The following DDAH1 variants were observed in gnomAD, a reference collection of about 807,000 sequenced individuals.
DDAH1 encodes the protein dimethylarginine dimethylaminohydrolase 1.
A neutral mutation model predicts 28.8 loss-of-function variants in DDAH1; 19 were observed. That is an observed-to-expected ratio of 0.66 (90% CI 0.46 to 0.97). The LOEUF (loss-of-function observed/expected upper bound fraction) is 0.97. Among genes scored for constraint, DDAH1 ranks in the 50% least tolerant of loss-of-function variants. DDAH1 has a pLI of 0.00. For missense variants in DDAH1, 326 were observed against 375.9 expected (o/e 0.87, Z 1.10); for synonymous variants, 153 against 154.4 (o/e 0.99, Z 0.07).
chr1:85,543,487 T>C (rs1658530793), intron 1 of DDAH1, among the ~76,000 whole-genome samples: 1 of 152,130 alleles, frequency 6.6e-6, no homozygotes, highest in Non-Finnish European at 1.5e-5. Context: ...CAAAAGTTGA[T>C]CACTTCAAGG....
intron 1 of DDAH1, among the ~76,000 whole-genome samples, chr1:85,439,656 A>C (rs1199472780): frequency 6.6e-6 from 1 of 152,236 alleles, no homozygotes; most frequent in African/African-American, 2.4e-5. Context: ...TCGATGTAAA[A>C]TTTAGAAAGA....
intron 1 of DDAH1, among the ~76,000 whole-genome samples, chr1:85,373,360 A>C (rs1650489003): frequency 6.6e-6 from 1 of 152,106 alleles, no homozygotes; most frequent in African/African-American, 2.4e-5. Context: ...TCCCAACCAA[A>C]TCTCATCTCA....
intron 1 of DDAH1, among the ~76,000 whole-genome samples, chr1:85,378,499 C>T (rs1262883228): frequency 6.6e-6 from 1 of 152,162 alleles, no homozygotes; most frequent in Non-Finnish European, 1.5e-5. Flanking sequence ...GCCTTGACCT[C>T]TGGGATTCAA....
chr1:85,330,312 G>C (rs1474891949), intron 4 of DDAH1, among the ~76,000 whole-genome samples: 2 of 152,216 alleles, frequency 1.3e-5, no homozygotes, highest in Non-Finnish European at 2.9e-5. Context: ...AACAGGTTCT[G>C]TTTCCCCTTT....
intron 1 of DDAH1, among the ~76,000 whole-genome samples, chr1:85,546,424 A>C (rs772267490): frequency 4.6e-5 from 7 of 152,152 alleles, no homozygotes; most frequent in Non-Finnish European, 5.9e-5. Context: ...TGAGCTAGTA[A>C]ATTTCTGTTC....
intron 2 of DDAH1, 132 bp from the exon 3 acceptor site, chr1:85,351,711 G>A: frequency 3.1e-6 from 2 of 638,600 alleles, no homozygotes; most frequent in African/African-American, 1.9e-5. Flanking sequence ...TCACTAAAGA[G>A]ACTACAAAAA....
At chr1:85,453,887 T>C (rs1654768978) in intron 1 of DDAH1, among the ~76,000 whole-genome samples, 1 of 152,218 alleles carries the variant, frequency 6.6e-6, no homozygotes. Flanking sequence ...GAGAATGACA[T>C]GAACATTATA....
intron 1 of DDAH1, chr1:85,400,084 T>G (rs1156679253): frequency 6.6e-6 from 1 of 152,102 alleles, no homozygotes; most frequent in Non-Finnish European, 1.5e-5. Context: ...AAAAAAACCT[T>G]GAGCTCACTG....
At chr1:85,412,984 G>A (rs538302767) in intron 1 of DDAH1, among the ~76,000 whole-genome samples, 2 of 152,200 alleles carry the variant, frequency 1.3e-5, no homozygotes, top group Non-Finnish European at 2.9e-5. Context: ...CTGGGTGACA[G>A]AGCAAGACCC....
chr1:85,534,796 G>C (rs1217678362), intron 1 of DDAH1, among the ~76,000 whole-genome samples: 13 of 152,016 alleles, frequency 8.6e-5, no homozygotes, highest in Non-Finnish European at 1.6e-4. Context: ...TTTCTAACCA[G>C]ACAGCACAGC....
chr1:85,477,088 C>T (rs535418982), intron 2 of DDAH1, among the ~76,000 whole-genome samples: 4 of 152,200 alleles, frequency 2.6e-5, no homozygotes, highest in African/African-American at 9.6e-5. Flanking sequence ...GAGGTGACTT[C>T]TGAGCTGAGA....
chr1:85,374,578 T>C (rs867857546), intron 1 of DDAH1, among the ~76,000 whole-genome samples: 14 of 152,216 alleles, frequency 9.2e-5, no homozygotes, highest in South Asian at 4.1e-4. Context: ...AATTAGAAAG[T>C]ATAGATAAGT....
chr1:85,364,399 A>G (rs1404102775), intron 1 of DDAH1, among the ~76,000 whole-genome samples: 1 of 152,206 alleles, frequency 6.6e-6, no homozygotes, highest in Non-Finnish European at 1.5e-5. Context: ...AGAGTGATTA[A>G]GAACACTAAG....
intron 1 of DDAH1, among the ~76,000 whole-genome samples, chr1:85,574,686 A>G (rs1054677400): frequency 6.6e-6 from 1 of 152,208 alleles, no homozygotes; most frequent in African/African-American, 2.4e-5. Context: ...GCACTATGCC[A>G]TGACACATCA....
At chr1:85,412,614 A>G (rs1652704890) in intron 1 of DDAH1, among the ~76,000 whole-genome samples, 1 of 152,084 alleles carries the variant, frequency 6.6e-6, no homozygotes, top group African/African-American at 2.4e-5. Context: ...TGTTGAGAGG[A>G]CATTTGTACC....
chr1:85,424,709 T>C (rs1395884352), intron 1 of DDAH1, among the ~76,000 whole-genome samples: 1 of 152,096 alleles, frequency 6.6e-6, no homozygotes, highest in Non-Finnish European at 1.5e-5. Flanking sequence ...CATAGGCATA[T>C]ATACCACCTT....
intron 1 of DDAH1, among the ~76,000 whole-genome samples, chr1:85,422,250 C>A (rs989291285): frequency 6.6e-6 from 1 of 152,038 alleles, no homozygotes; most frequent in East Asian, 1.9e-4. Context: ...TTTTAATTAG[C>A]CTGTTTTCTT....
intron 1 of DDAH1, among the ~76,000 whole-genome samples, chr1:85,572,224 T>C (rs947912626): frequency 6.6e-6 from 1 of 152,170 alleles, no homozygotes; most frequent in African/African-American, 2.4e-5. Context: ...TTTTCATTGT[T>C]TAACTTGTTT....
chr1:85,335,803 A>AC lies in DDAH1; in HGVS notation c.598-10921_598-10920insG, dbSNP rs1349515911. ...ATGGTGAAACCCTGTCTCTATAAAAAATACAAAAATTAGCTGGGCATGGTG... is the reference window on the plus strand; with the variant it reads ...ATGGTGAAACCCTGTCTCTATAAAAACATACAAAAATTAGCTGGGCATGGTG... On this transcript the variant is annotated intron_variant, in intron 4 of 5. Coordinates refer to ENST00000284031, the MANE Select transcript of DDAH1 (RefSeq NM_012137.4). Among the ~76,000 whole-genome samples, 4 of 152,092 alleles carry AC rather than the reference A, an allele frequency of 2.6e-5. No individual in the cohort carries two copies. The South Asian group carries it at 8.3e-4, about 32-fold the overall frequency.
Sources: allele counts gnomAD v4.1 joint callset (sites outside exome capture counted in the v4.1 genomes callset), GRCh38; gene constraint gnomAD v4.1.1; transcripts MANE v1.5; gene names NCBI Gene and HGNC (gene_info 2026-07-23, HGNC 2026-07-21).